The following B4GALNT3 variants were observed in gnomAD, a reference collection of about 807,000 sequenced individuals.
The protein encoded by B4GALNT3 is beta-1,4-N-acetyl-galactosaminyltransferase 3.
In B4GALNT3, 86 loss-of-function variants were observed where a neutral mutation model predicts 120.2. That is an observed-to-expected ratio of 0.72 (90% CI 0.60 to 0.86). The LOEUF is 0.86. B4GALNT3 is among the 40% of genes least tolerant of loss of function. B4GALNT3 has a pLI of 0.00. For synonymous variants in B4GALNT3, 518 were observed against 510.4 expected (o/e 1.01, Z -0.20); for missense variants, 1,167 against 1,298.9 (o/e 0.90, Z 1.56).
At chr12:482,358 AC>A (rs2120476606) in intron 1 of B4GALNT3, among the ~76,000 whole-genome samples, 1 of 152,250 alleles carries the variant, frequency 6.6e-6, no homozygotes, top group African/African-American at 2.4e-5. Flanking sequence ...CTAATCATAG[AC>A]CTGTGCTGGA....
chr12:496,652 A>G (rs1484711273), intron 1 of B4GALNT3, among the ~76,000 whole-genome samples: 4 of 152,056 alleles, frequency 2.6e-5, no homozygotes, highest in Admixed American at 1.3e-4. Context: ...TACATATACA[A>G]TGTTGTACCA....
At chr12:511,809 CCTT>C (rs1365522137) in intron 1 of B4GALNT3, among the ~76,000 whole-genome samples, 72 of 44,290 alleles carry the variant, frequency 1.6e-3, no homozygotes, top group East Asian at 5.7e-3. Flanking sequence ...CCTTCTTCCA[CCTT>C]CTTCCACCTT....
Position 553,365 on chromosome 12 carries a change from A to C in B4GALNT3, c.1442A>C (p.Gln481Pro). ...CGAAGCCTGCGGAAACTCCTGGCTC[A>C]GCCCCGGGAGGGCCTGCTGGCCCCC... is the stretch of plus-strand genomic sequence containing the variant. ...RLRSLRKLLA[Q>P]PREGLLAPFS... Residue 481 changes from glutamine to proline, a missense_variant, in exon 14 of 20, where the codon CAG (glutamine) becomes CCG (proline). Around this residue, in one of 3 missense-constraint regions of B4GALNT3, gnomAD observed 983 missense variants for 1,102.5 expected, o/e 0.89. Coordinates refer to ENST00000266383, the MANE Select transcript of B4GALNT3 (RefSeq NM_173593.4). 5 of 1,613,800 alleles carry C rather than the reference A, an allele frequency of 3.1e-6. No individual in the cohort carries two copies. The highest frequency in any genetic ancestry group is 4.2e-6 in the Non-Finnish European group (5 of 1,180,038).
At chr12:463,851 A>G (rs994738563) in intron 1 of B4GALNT3, among the ~76,000 whole-genome samples, 1 of 152,246 alleles carries the variant, frequency 6.6e-6, no homozygotes, top group Non-Finnish European at 1.5e-5. Context: ...AACAGAGGGT[A>G]TAAGAAGAAT....
chr12:464,257 C>A (rs1592006120), intron 1 of B4GALNT3, among the ~76,000 whole-genome samples: 4 of 152,216 alleles, frequency 2.6e-5, no homozygotes, highest in Admixed American at 2.6e-4. Flanking sequence ...GTTAAAGATT[C>A]TCCAATTAGG....
intron 3 of B4GALNT3, among the ~76,000 whole-genome samples, chr12:541,110 C>T (rs927136104): frequency 2.6e-5 from 4 of 152,108 alleles, no homozygotes; most frequent in African/African-American, 7.2e-5. Context: ...GTTCTGGAAG[C>T]GGTGAGGACT....
At chr12:511,679 G>T (rs200429650) in intron 1 of B4GALNT3, among the ~76,000 whole-genome samples, 1 of 57,112 alleles carries the variant, frequency 1.8e-5, no homozygotes, top group Non-Finnish European at 3.7e-5. Flanking sequence ...TCCGCCTTCC[G>T]CCTTCCACCT....
At chr12:501,223 C>G (rs1413226714) in intron 1 of B4GALNT3, among the ~76,000 whole-genome samples, 1 of 152,186 alleles carries the variant, frequency 6.6e-6, no homozygotes, top group Non-Finnish European at 1.5e-5. Flanking sequence ...TAATCAATGT[C>G]TCTCAGCTTA....
At chr12:554,518 C>A (rs1036654434) in intron 14 of B4GALNT3, among the ~76,000 whole-genome samples, 2 of 152,126 alleles carry the variant, frequency 1.3e-5, no homozygotes, top group Non-Finnish European at 2.9e-5. Context: ...AGGCTGGGCG[C>A]GGTGGCTCAC....
chr12:471,736 T>C lies in B4GALNT3; in HGVS notation c.169+11191T>C, dbSNP rs187447490. Among the ~76,000 whole-genome samples the C allele has an allele frequency of 2.0e-3, 304 of 149,596 alleles. No homozygotes were observed. The Middle Eastern group carries it at 0.024, about 12-fold the overall frequency. On this transcript the variant is annotated intron_variant, in intron 1 of 19. Coordinates refer to ENST00000266383, the MANE Select transcript of B4GALNT3 (RefSeq NM_173593.4). ...TAATAATAAAAAATAAATAAATAAA[T>C]AAATATAAATAAACTACATCATTCT...
intron 3 of B4GALNT3, among the ~76,000 whole-genome samples, chr12:542,111 C>T (rs1167394818): frequency 1.3e-5 from 2 of 152,176 alleles, no homozygotes; most frequent in Admixed American, 6.5e-5. Context: ...CTCTCCCATC[C>T]GTTCCAGTCT....
chr12:557,954 C>G (rs1947177654), intron 16 of B4GALNT3, 62 bp from the exon 17 acceptor site: 1 of 1,575,000 alleles, frequency 6.3e-7, no homozygotes, highest in Admixed American at 1.7e-5. Flanking sequence ...TGCCTGCCAA[C>G]TTCCTCCAGG....
Position 543,206 on chromosome 12 carries a change from G to C in B4GALNT3, c.352-1133G>C, listed in dbSNP as rs146830405. On this transcript the variant is annotated intron_variant, in intron 3 of 19. Coordinates refer to ENST00000266383, the MANE Select transcript of B4GALNT3 (RefSeq NM_173593.4). ...GCCATGGGGTGAACATCAGCACCAG[G>C]TTCCTGAAAGAAGTGCTGGGTGCTG... 6.7e-4 allele frequency: 870 copies of C among 1,288,998 alleles called. 2 individuals are homozygous for C. Among genetic ancestry groups the C allele is most frequent in the African/African-American group, 6.0e-3 (398 of 65,986 alleles). 79.8% of individuals were successfully genotyped at this position (1,288,998 alleles called of 1,614,324 possible).
At chr12:534,732 C>A (rs1161485661) in intron 1 of B4GALNT3, among the ~76,000 whole-genome samples, 1 of 152,194 alleles carries the variant, frequency 6.6e-6, no homozygotes. Context: ...GGTAGGGGGT[C>A]CCCACCCATT....
intron 1 of B4GALNT3, among the ~76,000 whole-genome samples, chr12:510,885 CT>C (rs1300893361): frequency 1.3e-5 from 2 of 152,030 alleles, no homozygotes; most frequent in Admixed American, 6.6e-5. Context: ...ACCATTGCCA[CT>C]ACCTAATTCC....
chr12:539,549 AAAG>A (rs1221002341), intron 3 of B4GALNT3, among the ~76,000 whole-genome samples: 57 of 152,090 alleles, frequency 3.7e-4, no homozygotes, highest in African/African-American at 1.3e-3. Context: ...AAAAAAAAAA[AAAG>A]AAAGAAACAG....
In B4GALNT3 at chr12:558,615, C is replaced by T. The variant is rs371471217; in HGVS notation, c.2715C>T (p.Pro905=). Residue 905 remains proline (P), a synonymous_variant, in exon 18 of 20, where the codon CCC becomes CCT. Coordinates refer to ENST00000266383, the MANE Select transcript of B4GALNT3 (RefSeq NM_173593.4). ...HCVEGKMAFA[P]MVMRLHCGAT... ...TGGAGGGAAAGATGGCCTTTGCCCC[C>T]ATGGTGATGAGGCTGCATTGTGGGG... is the stretch of plus-strand genomic sequence containing the variant. 2.0e-5 allele frequency: 32 copies of T among 1,613,928 alleles called. 1 individual carries two copies. Among genetic ancestry groups the T allele is most frequent in the Non-Finnish European group, 2.6e-5 (31 of 1,179,988 alleles).
At chr12:478,385 C>A (rs1367330501) in intron 1 of B4GALNT3, among the ~76,000 whole-genome samples, 11 of 150,646 alleles carry the variant, frequency 7.3e-5, no homozygotes, top group Non-Finnish European at 5.9e-5. Flanking sequence ...AAAGAAAATT[C>A]TCCAGTAGTA....
At chr12:551,913 C>T (rs973196045) in intron 11 of B4GALNT3, 150 bp from the exon 12 acceptor site, 6 of 658,124 alleles carry the variant, frequency 9.1e-6, no homozygotes, top group Admixed American at 5.0e-5. Context: ...ACGTTTCATT[C>T]GGCGCTCAGA....
Sources: gnomAD v4.1 joint callset for allele counts (sites outside exome capture counted in the v4.1 genomes callset) on GRCh38, gnomAD v4.1.1 for gene constraint, gnomAD v4.1.1 regional missense constraint, MANE v1.5 for transcripts, NCBI Gene and HGNC (gene_info 2026-07-23, HGNC 2026-07-21) for gene names.